ANO6: variants seen among roughly 807,000 people sequenced by gnomAD.
The protein encoded by ANO6 is anoctamin-6.
Under a neutral mutation model 117.5 loss-of-function variants are expected in ANO6, and 106 were observed. The ratio of observed to expected loss-of-function variants is 0.90; its 90% CI spans 0.77 to 1.06. The LOEUF is 1.06. Among genes scored for constraint, ANO6 ranks in the 50% least tolerant of loss-of-function variants. ANO6 has a pLI of 0.00. For synonymous variants in ANO6, 367 were observed against 385.1 expected, an observed-to-expected ratio of 0.95 and a Z score of 0.55; for missense variants, 955 against 1,121.1, an observed-to-expected ratio of 0.85 and a Z score of 2.12.
intron 2 of ANO6, among the ~76,000 whole-genome samples, chr12:45,329,017 C>G (rs780694011): frequency 6.6e-6 from 1 of 152,124 alleles, no homozygotes; most frequent in Admixed American, 6.6e-5. Flanking sequence ...AAATGACAAC[C>G]GTGTCAGGGG....
chr12:45,240,987 T>C (rs1414124781), intron 1 of ANO6, among the ~76,000 whole-genome samples: 1 of 152,254 alleles, frequency 6.6e-6, no homozygotes. Flanking sequence ...TTCACATTTT[T>C]TCCTTCATTT....
intron 7 of ANO6, among the ~76,000 whole-genome samples, chr12:45,356,651 C>T (rs1226400626): frequency 1.3e-5 from 2 of 152,004 alleles, no homozygotes; most frequent in African/African-American, 4.8e-5. Context: ...CTTGTCTTCA[C>T]ATTGAGTAGG....
chr12:45,230,250 A>G (rs1947554565), intron 1 of ANO6, among the ~76,000 whole-genome samples: 1 of 152,076 alleles, frequency 6.6e-6, no homozygotes, highest in African/African-American at 2.4e-5. Flanking sequence ...TGTTAAATCT[A>G]TGGGTAAATG....
At chr12:45,316,233 C>G (rs1289200682) in intron 2 of ANO6, among the ~76,000 whole-genome samples, 1 of 152,058 alleles carries the variant, frequency 6.6e-6, no homozygotes, top group East Asian at 1.9e-4. Context: ...AAAGATGGCA[C>G]AGTCTATATC....
At chr12:45,387,557 T>G (rs1367534513) in intron 10 of ANO6, among the ~76,000 whole-genome samples, 1 of 152,244 alleles carries the variant, frequency 6.6e-6, no homozygotes, top group Non-Finnish European at 1.5e-5. Flanking sequence ...CTCACATGTC[T>G]TCTGACCATC....
At chr12:45,331,194 C>G in intron 2 of ANO6, 101 bp from the exon 3 acceptor site, 1 of 1,076,954 alleles carries the variant, frequency 9.3e-7, no homozygotes, top group South Asian at 1.5e-5. Context: ...GGATGTATTT[C>G]TCTTTCACAA....
rs969103556 is a variant in ANO6 at position 45,422,644 on chromosome 12, A to G, written c.2421-313A>G. Among the ~76,000 whole-genome samples, 3 of 150,558 alleles carry G rather than the reference A, an allele frequency of 2.0e-5. No homozygotes were observed. In the Admixed American group the frequency reaches 2.0e-4, roughly 10 times the overall value. ...GACAGGAGTGCAGTGACACCATATC[A>G]GCTCCCTGCAACCTTCACCTCTCGG... is the stretch of plus-strand genomic sequence containing the variant. On this transcript the variant is annotated intron_variant, in intron 18 of 19. Transcript: ENST00000320560.
intron 1 of ANO6, among the ~76,000 whole-genome samples, chr12:45,299,635 GA>G (rs1358318693): frequency 6.6e-6 from 1 of 152,096 alleles, no homozygotes; most frequent in Non-Finnish European, 1.5e-5. Context: ...GGCAGATCAT[GA>G]GGTCAGGAGT....
intron 1 of ANO6, among the ~76,000 whole-genome samples, chr12:45,260,140 C>T (rs1470018664): frequency 2.0e-5 from 3 of 152,288 alleles, no homozygotes; most frequent in South Asian, 4.2e-4. Context: ...GAGCACTTAG[C>T]GCTGGGCTCA....
chr12:45,315,490 C>T (rs1939994308), intron 2 of ANO6, among the ~76,000 whole-genome samples: 1 of 151,872 alleles, frequency 6.6e-6, no homozygotes, highest in South Asian at 2.1e-4. Flanking sequence ...TCTTTCTGGC[C>T]ACTCCCGTTT....
At chr12:45,372,770 A>T (rs191805039) in intron 9 of ANO6, among the ~76,000 whole-genome samples, 1 of 152,338 alleles carries the variant, frequency 6.6e-6, no homozygotes, top group East Asian at 1.9e-4. Context: ...CCAAAATGTA[A>T]AGACCATAGA....
At chr12:45,283,907 T>C (rs1938823873) in intron 1 of ANO6, among the ~76,000 whole-genome samples, 1 of 152,216 alleles carries the variant, frequency 6.6e-6, no homozygotes, top group South Asian at 2.1e-4. Context: ...CTCTTATGCA[T>C]CCATAAGGAC....
intron 1 of ANO6, chr12:45,270,452 C>T (rs780533610): frequency 1.1e-5 from 17 of 1,523,376 alleles, no homozygotes; most frequent in South Asian, 4.9e-5. Flanking sequence ...GATGCCTCCT[C>T]ATCCTTCAGG....
intron 1 of ANO6, chr12:45,270,427 C>A: frequency 6.6e-7 from 1 of 1,521,280 alleles, no homozygotes; most frequent in Non-Finnish European, 8.8e-7. Context: ...CTTATATTGG[C>A]CTGTTGTATT....
intron 1 of ANO6, among the ~76,000 whole-genome samples, chr12:45,259,441 G>T (rs1937947116): frequency 6.6e-6 from 1 of 152,200 alleles, no homozygotes; most frequent in South Asian, 2.1e-4. Context: ...GATTTTAACA[G>T]TACACCCTAG....
chr12:45,376,138 A>G (rs1349942770), intron 9 of ANO6, among the ~76,000 whole-genome samples: 1 of 151,302 alleles, frequency 6.6e-6, no homozygotes, highest in Non-Finnish European at 1.5e-5. Flanking sequence ...AATGCAAATC[A>G]AAACCACAGT....
intron 1 of ANO6, among the ~76,000 whole-genome samples, chr12:45,219,866 C>G: frequency 6.6e-6 from 1 of 152,168 alleles, no homozygotes; most frequent in Non-Finnish European, 1.5e-5. Context: ...ACCACTGAAG[C>G]CACATCCAGG....
intron 4 of ANO6, 61 bp from the exon 5 acceptor site, chr12:45,347,967 G>T: frequency 7.3e-6 from 11 of 1,512,292 alleles, no homozygotes; most frequent in Non-Finnish European, 8.2e-6. Flanking sequence ...AAAAATCTAT[G>T]TGTTTTAAAA....
chr12:45,434,388 A>G (rs1223403140), downstream of ANO6, among the ~76,000 whole-genome samples: 3 of 152,198 alleles, frequency 2.0e-5, no homozygotes, highest in Non-Finnish European at 4.4e-5. Flanking sequence ...AAGCGACAGC[A>G]CTGGCTGCAA....
Sources: allele counts gnomAD v4.1 joint callset (sites outside exome capture counted in the v4.1 genomes callset), GRCh38; gene constraint gnomAD v4.1.1; transcripts MANE v1.5; gene names NCBI Gene and HGNC (gene_info 2026-07-23, HGNC 2026-07-21).